NGEF: variants seen among roughly 807,000 people sequenced by gnomAD.
The protein encoded by NGEF is neuronal guanine nucleotide exchange factor.
Under a neutral mutation model 80.9 loss-of-function variants are expected in NGEF, and 31 were observed. That is an observed-to-expected ratio of 0.38 (90% confidence interval 0.29 to 0.52). The LOEUF (loss-of-function observed/expected upper bound fraction) is 0.52. NGEF is among the 20% of genes least tolerant of loss of function. The probability of loss-of-function intolerance (pLI) is 0.84; values close to 1 mark genes in which losing one functional copy is unlikely to be tolerated. For missense variants in NGEF, 709 were observed against 926.2 expected (o/e 0.77, Z 3.04); for synonymous variants, 371 against 370.2 (o/e 1.00, Z -0.03).
intron 5 of NGEF, among the ~76,000 whole-genome samples, chr2:232,914,989 C>G (rs906312955): frequency 6.6e-6 from 1 of 151,262 alleles, no homozygotes; most frequent in African/African-American, 2.4e-5. Flanking sequence ...TGCTCTCCAG[C>G]CTGGGCAACA....
chr2:232,890,036 G>A (rs1691825079), intron 8 of NGEF, among the ~76,000 whole-genome samples: 1 of 151,584 alleles, frequency 6.6e-6, no homozygotes, highest in African/African-American at 2.4e-5. Context: ...AGGCAGAGGG[G>A]GTCTCTGTCC....
chr2:232,976,032 C>T (rs571158297), intron 1 of NGEF, among the ~76,000 whole-genome samples: 2 of 152,188 alleles, frequency 1.3e-5, no homozygotes, highest in South Asian at 4.2e-4. Flanking sequence ...GAAACCCTGT[C>T]TCTACTAAAA....
chr2:232,930,506 G>A (rs890179482), intron 3 of NGEF, among the ~76,000 whole-genome samples: 2 of 149,524 alleles, frequency 1.3e-5, no homozygotes, highest in Non-Finnish European at 3.0e-5. Flanking sequence ...TTTTAGTAGA[G>A]ATGGGGTTTC....
intron 3 of NGEF, among the ~76,000 whole-genome samples, chr2:232,948,084 C>A (rs1574630152): frequency 6.6e-6 from 1 of 151,314 alleles, no homozygotes; most frequent in Admixed American, 6.6e-5. Context: ...TCACAAATAC[C>A]AGCTGTGAAA....
rs1693840525 is a variant in NGEF, at chr2:232,956,751, C to G, written c.383+13463G>C. 5.2e-5 allele frequency among the ~76,000 whole-genome samples: 7 copies of G among 133,438 alleles called. No individual in the cohort carries two copies. In the South Asian group the frequency reaches 1.6e-3, roughly 31 times the overall value. The allele number at this position is 133,438 out of a possible 152,430, so 87.5% of individuals were successfully genotyped here. On this transcript the variant is annotated intron_variant, in intron 3 of 14. Transcript: ENST00000264051. The stretch of plus-strand genomic sequence containing the variant: ...GATGCTGAGATTGTGCCACTGCACT[C>G]CAGTCTGGGCGACAGAGCAAGACTC...
chr2:232,907,943 T>C (rs950659667), intron 5 of NGEF, among the ~76,000 whole-genome samples: 2 of 152,096 alleles, frequency 1.3e-5, no homozygotes, highest in African/African-American at 2.4e-5. Context: ...ATTCCATCTC[T>C]ACCAAAAATA....
intron 12 of NGEF, among the ~76,000 whole-genome samples, chr2:232,882,752 C>T (rs1341930202): frequency 1.3e-5 from 2 of 152,164 alleles, no homozygotes; most frequent in South Asian, 2.1e-4. Flanking sequence ...CCGCAGGCCA[C>T]GAGGGAGTTC....
intron 1 of NGEF, among the ~76,000 whole-genome samples, chr2:232,996,467 T>G (rs1422199568): frequency 6.6e-6 from 1 of 152,228 alleles, no homozygotes; most frequent in African/African-American, 2.4e-5. Flanking sequence ...GATTCTCACA[T>G]GTTTAAGAGC....
intron 3 of NGEF, among the ~76,000 whole-genome samples, chr2:232,931,233 G>T (rs1285424484): frequency 6.6e-6 from 1 of 152,226 alleles, no homozygotes; most frequent in Admixed American, 6.5e-5. Flanking sequence ...TTGATGCTCT[G>T]CCTGCAGTGC....
chr2:232,952,985 A>C (rs938633471), intron 3 of NGEF, among the ~76,000 whole-genome samples: 8 of 96,552 alleles, frequency 8.3e-5, no homozygotes, highest in Non-Finnish European at 1.6e-4. Context: ...AAAAAAAAAA[A>C]AAAAAAAAAA....
rs1293733319 is a variant in NGEF, at chr2:232,883,961, T to G, written c.1601+20A>C. 6.3e-7 allele frequency: 1 copy of G among 1,594,880 alleles called. No homozygotes were observed. Among genetic ancestry groups the G allele is most frequent in the Non-Finnish European group, 8.5e-7 (1 of 1,170,454 alleles). ...CTCCTCTACCCACCGGAGCGCCTGATGCCCTGGGCCCCGACTCACCCTGGA... is the reference window on the plus strand; with the variant it reads ...CTCCTCTACCCACCGGAGCGCCTGAGGCCCTGGGCCCCGACTCACCCTGGA... On this transcript the variant is annotated intron_variant, in intron 11 of 14. Coordinates refer to ENST00000264051, the MANE Select transcript of NGEF (RefSeq NM_019850.3).
chr2:232,883,052 AACACAC>A (rs57854484), intron 12 of NGEF, among the ~76,000 whole-genome samples: 4,127 of 150,236 alleles, frequency 0.027, 182 homozygotes, highest in African/African-American at 0.091. Flanking sequence ...GCCCCAAGGG[AACACAC>A]ACACACACAC....
intron 3 of NGEF, among the ~76,000 whole-genome samples, chr2:232,957,472 G>A (rs189997454): frequency 2.0e-4 from 31 of 152,108 alleles, no homozygotes; most frequent in Middle Eastern, 3.4e-3. Context: ...ACAGGCACCC[G>A]CCACCACACC....
At chr2:232,895,018 T>G in intron 5 of NGEF, 102 bp from the exon 6 acceptor site, 1 of 1,357,718 alleles carries the variant, frequency 7.4e-7, no homozygotes, top group Non-Finnish European at 1.0e-6. Context: ...AGCAGGGAGT[T>G]GAAAGGGAAA....
intron 5 of NGEF, among the ~76,000 whole-genome samples, chr2:232,919,489 C>T (rs1692888540): frequency 6.6e-6 from 1 of 151,956 alleles, no homozygotes; most frequent in African/African-American, 2.4e-5. Flanking sequence ...ACAATTAACA[C>T]AAACTTGCAT....
At chr2:233,010,360 G>A (rs1331987301) in intron 1 of NGEF, among the ~76,000 whole-genome samples, 1 of 152,330 alleles carries the variant, frequency 6.6e-6, no homozygotes, top group East Asian at 1.9e-4. Context: ...TTCTGAGTGA[G>A]TGTGAAAAGA....
At chr2:232,962,917 A>G (rs906542259) in intron 3 of NGEF, among the ~76,000 whole-genome samples, 3 of 151,956 alleles carry the variant, frequency 2.0e-5, no homozygotes, top group African/African-American at 7.3e-5. Flanking sequence ...TTGTTTTGAA[A>G]TATACATACC....
intron 3 of NGEF, among the ~76,000 whole-genome samples, chr2:232,936,965 T>TTTTA (rs150832601): frequency 0.074 from 11,249 of 151,942 alleles, 529 homozygotes; most frequent in East Asian, 0.17. Flanking sequence ...ATTTATTTTA[T>TTTTA]TTTATTTATT....
At chr2:232,886,262 T>A (rs1691687114) in intron 9 of NGEF, among the ~76,000 whole-genome samples, 1 of 151,334 alleles carries the variant, frequency 6.6e-6, no homozygotes, top group Non-Finnish European at 1.5e-5. Flanking sequence ...TATTGTGTGA[T>A]ATGTAGGGGC....
Sources: allele counts gnomAD v4.1 joint callset (sites outside exome capture counted in the v4.1 genomes callset), GRCh38; gene constraint gnomAD v4.1.1; transcripts MANE v1.5; gene names NCBI Gene and HGNC (gene_info 2026-07-23, HGNC 2026-07-21).